Variants in MYRIP observed in about 807,000 individuals in gnomAD.
MYRIP encodes rab effector MyRIP.
Under a neutral mutation model 98.0 loss-of-function variants are expected in MYRIP, and 49 were observed. That is an observed-to-expected ratio of 0.50 (90% confidence interval 0.40 to 0.63). MYRIP has a LOEUF of 0.63. Among genes scored for constraint, MYRIP ranks in the 30% least tolerant of loss-of-function variants. The probability of loss-of-function intolerance (pLI) is 0.00; values close to 1 mark genes in which losing one functional copy is unlikely to be tolerated. For synonymous variants in MYRIP, 404 were observed against 409.5 expected (o/e 0.99, Z 0.16); for missense variants, 1,004 against 1,058.2 (o/e 0.95, Z 0.71).
intron 3 of MYRIP, among the ~76,000 whole-genome samples, chr3:40,127,280 C>A (rs897098448): frequency 5.3e-5 from 8 of 152,146 alleles, no homozygotes; most frequent in African/African-American, 1.9e-4. Context: ...TATAACTCTG[C>A]CAGATAAATA....
At chr3:40,249,525 A>G (rs1317220982) in intron 13 of MYRIP, among the ~76,000 whole-genome samples, 2 of 152,212 alleles carry the variant, frequency 1.3e-5, no homozygotes, top group East Asian at 1.9e-4. Flanking sequence ...CTGGCACATA[A>G]TAATGCCCTT....
intron 3 of MYRIP, among the ~76,000 whole-genome samples, chr3:40,093,744 C>T (rs1948772451): frequency 6.6e-6 from 1 of 152,196 alleles, no homozygotes; most frequent in Non-Finnish European, 1.5e-5. Context: ...CTCCCAGTGT[C>T]TGTTCTCAGA....
chr3:39,874,300 A>C (rs1559504296), intron 1 of MYRIP, among the ~76,000 whole-genome samples: 2 of 151,996 alleles, frequency 1.3e-5, no homozygotes, highest in African/African-American at 4.8e-5. Flanking sequence ...GGACAATTTG[A>C]CTTCCTCTTT....
At chr3:40,238,909 TTTTA>T (rs1323225455) in intron 12 of MYRIP, among the ~76,000 whole-genome samples, 3 of 152,188 alleles carry the variant, frequency 2.0e-5, no homozygotes, top group African/African-American at 4.8e-5. Context: ...TTATTTTTAT[TTTTA>T]TTTATTATTA....
chr3:40,160,340 A>G (rs1026945704), intron 4 of MYRIP, among the ~76,000 whole-genome samples: 2 of 152,264 alleles, frequency 1.3e-5, no homozygotes, highest in African/African-American at 2.4e-5. Context: ...TTGAGGAGGC[A>G]GTCTGCCTGT....
intron 4 of MYRIP, among the ~76,000 whole-genome samples, chr3:40,156,572 A>G (rs923754269): frequency 6.6e-6 from 1 of 151,876 alleles, no homozygotes; most frequent in African/African-American, 2.4e-5. Context: ...GAATCTGTAA[A>G]TTACCTTGGG....
At chr3:40,065,442 T>G (rs1273467251) in intron 3 of MYRIP, among the ~76,000 whole-genome samples, 1 of 149,816 alleles carries the variant, frequency 6.7e-6, no homozygotes, top group Admixed American at 6.6e-5. Flanking sequence ...CACAACATGC[T>G]GTGGGATTTT....
At chr3:39,903,845 ATTTCAAAACTG>A (rs1192621104) in intron 2 of MYRIP, among the ~76,000 whole-genome samples, 2 of 152,322 alleles carry the variant, frequency 1.3e-5, no homozygotes, top group African/African-American at 4.8e-5. Flanking sequence ...GGGTTAAACC[ATTTCAAAACTG>A]TTTTACTCTC....
At chr3:39,879,382 T>G (rs1943103500) in intron 1 of MYRIP, among the ~76,000 whole-genome samples, 1 of 151,930 alleles carries the variant, frequency 6.6e-6, no homozygotes, top group Non-Finnish European at 1.5e-5. Flanking sequence ...GGTGACTTTT[T>G]TTTTTCTATT....
chr3:40,097,046 G>T (rs368969106), intron 3 of MYRIP, among the ~76,000 whole-genome samples: 27 of 152,168 alleles, frequency 1.8e-4, no homozygotes, highest in Non-Finnish European at 2.1e-4. Context: ...GACTTCTTCA[G>T]TGAAGCCTAG....
intron 10 of MYRIP, among the ~76,000 whole-genome samples, chr3:40,204,893 T>C (rs546483650): frequency 6.6e-6 from 1 of 152,242 alleles, no homozygotes; most frequent in East Asian, 1.9e-4. Context: ...CCTTGGTCTG[T>C]TCCCTGTCCT....
At chr3:40,036,608 A>G (rs1432980154) in intron 2 of MYRIP, among the ~76,000 whole-genome samples, 2 of 152,214 alleles carry the variant, frequency 1.3e-5, no homozygotes, top group Non-Finnish European at 2.9e-5. Context: ...ACACTCCTGC[A>G]AATAAAAAAT....
intron 2 of MYRIP, among the ~76,000 whole-genome samples, chr3:40,030,510 C>CACAAAAACATGTACATGAAT: frequency 6.6e-6 from 1 of 152,186 alleles, no homozygotes; most frequent in East Asian, 1.9e-4. Flanking sequence ...TACACGTCCA[C>CACAAAAACATGTACATGAAT]ACAAAAACAT....
At chr3:40,135,217 C>T (rs28840421) in intron 3 of MYRIP, among the ~76,000 whole-genome samples, 32,377 of 152,048 alleles carry the variant, frequency 0.21, 4,118 homozygotes, top group South Asian at 0.36. Flanking sequence ...AACTATGGCA[C>T]GAGAACTACA....
intron 3 of MYRIP, among the ~76,000 whole-genome samples, chr3:40,096,275 A>G (rs988255097): frequency 6.6e-6 from 1 of 152,130 alleles, no homozygotes; most frequent in Non-Finnish European, 1.5e-5. Context: ...TGACCTGGGC[A>G]TGGTCACACA....
intron 3 of MYRIP, among the ~76,000 whole-genome samples, chr3:40,060,430 C>G (rs1352699167): frequency 6.6e-6 from 1 of 151,228 alleles, no homozygotes; most frequent in East Asian, 1.9e-4. Context: ...TTTCTTATTT[C>G]AAAGGAAAAA....
chr3:40,031,982 A>C (rs1947272673), intron 2 of MYRIP, among the ~76,000 whole-genome samples: 1 of 151,648 alleles, frequency 6.6e-6, no homozygotes, highest in Non-Finnish European at 1.5e-5. Flanking sequence ...TTGTGTCTCT[A>C]TTTCCTTCAG....
intron 13 of MYRIP, among the ~76,000 whole-genome samples, chr3:40,247,977 C>T (rs957193169): frequency 1.3e-4 from 20 of 152,232 alleles, no homozygotes; most frequent in Non-Finnish European, 2.1e-4. Flanking sequence ...TCAACTGCAC[C>T]GCCAGGCATG....
In MYRIP at chr3:40,168,550, A is replaced by C. The variant is rs550590128; in HGVS notation, c.729+1311A>C. Among the ~76,000 whole-genome samples, 56 of 152,350 alleles carry C rather than the reference A, an allele frequency of 3.7e-4. No homozygotes were observed. The South Asian group carries it at 0.011, about 29-fold the overall frequency. ...ATCTTAAATCAAGGACTATCTGTAT[A>C]TATGTTTTGTTATACCACAATTTAT... On this transcript the variant is annotated intron_variant, in intron 7 of 16. Transcript: ENST00000302541.
Sources: allele counts gnomAD v4.1 joint callset (sites outside exome capture counted in the v4.1 genomes callset), GRCh38; gene constraint gnomAD v4.1.1; transcripts MANE v1.5; gene names NCBI Gene and HGNC (gene_info 2026-07-23, HGNC 2026-07-21).